The following F8 variants were observed in gnomAD, a reference collection of about 807,000 sequenced individuals.
F8 encodes antihemophilic factor.
In F8, 12 loss-of-function variants were observed where a neutral mutation model predicts 140.6. That is an observed-to-expected ratio of 0.09 (90% CI 0.05 to 0.14). The LOEUF (loss-of-function observed/expected upper bound fraction) is 0.14. Among genes scored for constraint, F8 ranks in the 10% least tolerant of loss-of-function variants. The pLI is 1.00. For missense variants in F8, 1,354 were observed against 1,720.7 expected, an observed-to-expected ratio of 0.79 and a Z score of 3.77; for synonymous variants, 585 against 614.6, an observed-to-expected ratio of 0.95 and a Z score of 0.71.
intron 13 of F8, among the ~76,000 whole-genome samples, chrX:154,939,536 G>GC (rs1157595139): frequency 1.8e-5 from 2 of 112,824 alleles, no homozygotes; most frequent in Non-Finnish European, 3.8e-5. Flanking sequence ...ACTGGGTGGA[G>GC]CCCCCCACAG....
At position 154,918,214 on chromosome X, in the gene F8, C is replaced by A. The variant is rs1165182281; in HGVS notation, c.5219+10357G>T. ...TGCCTATTCCCGATTTGGGGGAGGT[C>A]CCAAACTGGATATCCTGGTTGGGTG... is the stretch of plus-strand genomic sequence containing the variant. On this transcript the variant is annotated intron_variant, in intron 14 of 25. Transcript: ENST00000360256. Among the ~76,000 whole-genome samples the A allele has an allele frequency of 3.6e-5, 4 of 111,439 alleles. No individual in the cohort carries two copies. In the East Asian group the frequency reaches 8.4e-4, roughly 24 times the overall value.
rs1557270999 is a variant in F8 at position 154,837,487 on chromosome X, AGTGTCT to A, written c.*104_*109del. The A allele has an allele frequency of 3.4e-6, 3 of 882,580 alleles. No homozygotes were observed. The highest frequency in any genetic ancestry group is 4.8e-6 in the Non-Finnish European group (3 of 620,883). 72.7% of individuals were successfully genotyped at this position (882,580 alleles called of 1,213,427 possible). A position where few individuals can be genotyped will look rare whatever the true frequency, so the allele number is the denominator to read the frequency against. ...TAGTTAATTCAGGAGGCTTCAAGGC[AGTGTCT>A]GCTAGGATTTAGCACAAAGGTAGAA... On this transcript the variant is annotated 3_prime_UTR_variant, in exon 26 of 26. Transcript: ENST00000360256.
intron 4 of F8, 61 bp from the exon 5 acceptor site, chrX:154,987,366 A>C: frequency 1.0e-6 from 1 of 972,251 alleles, no homozygotes; most frequent in Non-Finnish European, 1.5e-6. Context: ...GGAAATTGTC[A>C]CTAGGAGGAG....
intron 22 of F8, among the ~76,000 whole-genome samples, chrX:154,878,524 A>G (rs1440659183): frequency 9.0e-6 from 1 of 110,852 alleles, no homozygotes; most frequent in African/African-American, 3.3e-5. Context: ...ACCCAAAACT[A>G]ACATCACACT....
rs375963028 is a variant in F8, at chrX:154,929,732, T to C, written c.4058A>G (p.Asp1353Gly). The change falls in exon 14 of 26, where the codon GAT (aspartate) becomes GGT (glycine). Residue 1353 changes from aspartate (D) to glycine (G), a missense_variant. Transcript: ENST00000360256. ...ETELEKRIIVDDTSTQWSKNM... is the reference protein window; with the variant it reads ...ETELEKRIIVGDTSTQWSKNM... Reference sequence around the variant, plus strand: ...TTTGGACCACTGGGTTGAGGTGTCATCCACAATTATCCTTTTTTCAAGTTC... The same window carrying C: ...TTTGGACCACTGGGTTGAGGTGTCACCCACAATTATCCTTTTTTCAAGTTC... 1.2e-5 allele frequency: 14 copies of C among 1,209,093 alleles called. No homozygotes were observed. The African/African-American group carries it at 2.1e-4, about 18-fold the overall frequency.
In F8 at chrX:154,929,383, C is replaced by T. The variant is rs1557278425; in HGVS notation, c.4407G>A (p.Leu1469=). 2 of 1,211,507 alleles carry T rather than the reference C, an allele frequency of 1.7e-6. No individual in the cohort carries two copies. The highest frequency in any genetic ancestry group is 2.2e-5 in the Admixed American group (1 of 46,008). The change falls in exon 14 of 26, where the codon TTG becomes TTA. Residue 1469 remains leucine (L), a synonymous_variant. Coordinates refer to ENST00000360256, the MANE Select transcript of F8 (RefSeq NM_000132.4). ...CCTCTCTTTGATCACCAGTCATCTC[C>T]AAGGTTAGAATGGCTAAAGAAAGGT... The part of the protein sequence containing the change: ...KNNLSLAILT[L]EMTGDQREVG...
chrX:155,002,385 T>C (rs1467507936), intron 1 of F8, among the ~76,000 whole-genome samples: 1 of 111,969 alleles, frequency 8.9e-6, no homozygotes, highest in African/African-American at 3.3e-5. Flanking sequence ...TGTGATGATG[T>C]TTCCAGAAGA....
chrX:154,929,536 A>T lies in F8; in HGVS notation c.4254T>A (p.Ile1418=). The change falls in exon 14 of 26, where the codon ATT becomes ATA. Residue 1418 remains isoleucine, a synonymous_variant. Coordinates refer to ENST00000360256, the MANE Select transcript of F8 (RefSeq NM_000132.4). ...GGACCCTGGTCAGATATATAGGTCT[A>T]ATAGATGGAAATGATGATACCTTTG... The part of the protein sequence containing the change: ...PIAKVSSFPS[I]RPIYLTRVLF... 8.3e-7 allele frequency: 1 copy of T among 1,210,124 alleles called. No homozygotes were observed. Among genetic ancestry groups the T allele is most frequent in the Non-Finnish European group, 1.1e-6 (1 of 894,197 alleles).
Position 154,929,222 on chromosome X carries a change from T to C in F8, c.4568A>G (p.Asp1523Gly). The change falls in exon 14 of 26, where the codon GAC becomes GGC. Residue 1523 changes from aspartate (D) to glycine (G), a missense_variant. By Grantham distance (94) the Asp-to-Gly change is moderately conservative. Coordinates refer to ENST00000360256, the MANE Select transcript of F8 (RefSeq NM_000132.4). ...ATTGCTAGTTTCCGTAGGGAATAGGTCCTTCTGATAAATGTGAACTTTTGG... is the reference window on the plus strand; with the variant it reads ...ATTGCTAGTTTCCGTAGGGAATAGGCCCTTCTGATAAATGTGAACTTTTGG... Reference protein sequence around the residue: ...LLPKVHIYQKDLFPTETSNGS... With the variant: ...LLPKVHIYQKGLFPTETSNGS... The C allele has an allele frequency of 8.3e-7, 1 of 1,211,757 alleles. No individual in the cohort carries two copies.
At chrX:154,992,311 G>A (rs2073592420) in intron 4 of F8, among the ~76,000 whole-genome samples, 1 of 111,603 alleles carries the variant, frequency 9.0e-6, no homozygotes, top group African/African-American at 3.3e-5. Flanking sequence ...ACAAGGAAAA[G>A]GTACAGTGAA....
chrX:154,948,053 A>C (rs782728350), intron 12 of F8, 146 bp from the exon 13 acceptor site: 1 of 526,722 alleles, frequency 1.9e-6, no homozygotes, highest in African/African-American at 2.3e-5. Context: ...CCAAAAAAGT[A>C]GATTGTTAAT....
intron 11 of F8, 58 bp downstream of exon 11, chrX:154,956,899 G>T: frequency 1.1e-6 from 1 of 940,762 alleles, no homozygotes; most frequent in Non-Finnish European, 1.5e-6. Context: ...TTTTCTTCAG[G>T]TTATAAGGGG....
chrX:154,891,890 A>G (rs1253506556), intron 22 of F8, among the ~76,000 whole-genome samples: 1 of 111,855 alleles, frequency 8.9e-6, no homozygotes, highest in Non-Finnish European at 1.9e-5. Flanking sequence ...CAGGGTCTCT[A>G]AGGAGAATAG....
intron 13 of F8, among the ~76,000 whole-genome samples, chrX:154,938,497 A>T (rs1010121447): frequency 8.9e-6 from 1 of 112,295 alleles, no homozygotes; most frequent in African/African-American, 3.2e-5. Context: ...AAAATATTTA[A>T]AATATGTAGA....
Position 154,930,742 on chromosome X carries a change from C to A in F8, c.3048G>T (p.Leu1016Phe). Residue 1016 changes from leucine (L) to phenylalanine (F), a missense_variant, in exon 14 of 26, where the codon TTG (leucine) becomes TTT (phenylalanine). By Grantham distance (22) the Leu-to-Phe change is conservative. This residue lies in a region of F8 where 658 missense variants were observed against 666.5 expected (regional missense o/e 0.99). Coordinates refer to ENST00000360256, the MANE Select transcript of F8 (RefSeq NM_000132.4). ...TATTGGAAGTTTTGTTTGTCTTTAA[C>A]AAAGAGATGCTAACTTTGAATAAGG... ...DNALFKVSISLLKTNKTSNNS... is the reference protein window; with the variant it reads ...DNALFKVSISFLKTNKTSNNS... 1 of 1,209,586 alleles carries A rather than the reference C, an allele frequency of 8.3e-7. No individual in the cohort carries two copies. The highest frequency in any genetic ancestry group is 1.1e-6 in the Non-Finnish European group (1 of 894,107).
chrX:154,932,973 G>A (rs782281169), intron 13 of F8, among the ~76,000 whole-genome samples: 5 of 111,384 alleles, frequency 4.5e-5, no homozygotes, highest in African/African-American at 9.8e-5. Flanking sequence ...AGAGATTCTC[G>A]TCAAACTAGT....
In F8 at chrX:154,836,096, G is replaced by T. The variant is rs2072472889; in HGVS notation, c.*1501C>A. The T allele has an allele frequency of 8.9e-6, 1 of 112,247 alleles. No homozygotes were observed. Among genetic ancestry groups the T allele is most frequent in the South Asian group, 3.7e-4 (1 of 2,706 alleles). 9.3% of individuals were successfully genotyped at this position (112,247 alleles called of 1,213,427 possible). On this transcript the variant is annotated 3_prime_UTR_variant, in exon 26 of 26. Coordinates refer to ENST00000360256, the MANE Select transcript of F8 (RefSeq NM_000132.4). ...ATCATTTGTGGATTGTGACTATACTGTGACAGCTATGTTATAGTTTCCAAA... is the reference window on the plus strand; with the variant it reads ...ATCATTTGTGGATTGTGACTATACTTTGACAGCTATGTTATAGTTTCCAAA...
chrX:154,845,990 G>C (rs2072562921), intron 25 of F8, among the ~76,000 whole-genome samples: 1 of 112,099 alleles, frequency 8.9e-6, no homozygotes, highest in Non-Finnish European at 1.9e-5. Context: ...CTGGTATATT[G>C]TGTCTTTGTT....
In F8 at chrX:154,860,563, T is replaced by C. The variant is rs1800297; in HGVS notation, c.6769A>G (p.Met2257Val). The change falls in exon 25 of 26, where the codon ATG (methionine) becomes GTG (valine). Residue 2257 changes from methionine to valine, a missense_variant. This residue lies in a region of F8 where 316 missense variants were observed against 485.4 expected (regional missense o/e 0.65). Transcript: ENST00000360256. ...EWLQVDFQKT[M>V]KVTGVTTQGV... ...TGAGTAGTTACTCCTGTGACTTTCA[T>C]TGTCTTCTGGAAGTCCACTTGCAGC... 0.013 allele frequency: 15,633 copies of C among 1,209,616 alleles called. 1,264 individuals are homozygous for C. In the African/African-American group the frequency reaches 0.24, roughly 19 times the overall value.
Sources: gnomAD v4.1 joint callset for allele counts (sites outside exome capture counted in the v4.1 genomes callset) on GRCh38, gnomAD v4.1.1 for gene constraint, gnomAD v4.1.1 regional missense constraint, MANE v1.5 for transcripts, NCBI Gene and HGNC (gene_info 2026-07-23, HGNC 2026-07-21) for gene names.